The following MARK2 variants were observed in gnomAD, a reference collection of about 807,000 sequenced individuals.
MARK2 encodes microtubule affinity regulating kinase 2, also known as serine/threonine-protein kinase MARK2.
In MARK2, 16 loss-of-function variants were observed where a neutral mutation model predicts 89.8. That is an observed-to-expected ratio of 0.18 (90% CI 0.12 to 0.27). MARK2 has a LOEUF of 0.27. Ranked by LOEUF, MARK2 falls within the 10% of genes least tolerant of loss-of-function variation. MARK2 has a pLI of 1.00. For synonymous variants in MARK2, 382 were observed against 399.5 expected, an observed-to-expected ratio of 0.96 and a Z score of 0.52; for missense variants, 621 against 1,049.9, an observed-to-expected ratio of 0.59 and a Z score of 5.65.
intron 4 of MARK2, 36 bp from the exon 5 acceptor site, chr11:63,898,572 G>T: frequency 6.5e-7 from 1 of 1,543,336 alleles, no homozygotes; most frequent in Non-Finnish European, 9.0e-7. Context: ...GGCCCCTGTT[G>T]CTTCTTGACT....
In MARK2 at chr11:63,902,551, A is replaced by C. The variant is rs549661192; in HGVS notation, c.1235-50A>C. The C allele has an allele frequency of 5.8e-6, 9 of 1,548,186 alleles. No individual in the cohort carries two copies. The highest frequency in any genetic ancestry group is 3.5e-5 in the South Asian group (3 of 86,486). The stretch of plus-strand genomic sequence containing the variant: ...GGAAATGAGCATGCGTGGGGCTGGC[A>C]CTCAGTGGACCCCTTGGCCTTACCC... On this transcript the variant is annotated intron_variant, in intron 12 of 18. Transcript: ENST00000402010. The surrounding 1 kb of genome is among the most constrained non-coding windows in gnomAD (Gnocchi z 4.2).
At chr11:63,874,533 A>G (rs542596713) in intron 1 of MARK2, among the ~76,000 whole-genome samples, 4 of 152,348 alleles carry the variant, frequency 2.6e-5, no homozygotes, top group African/African-American at 9.6e-5. Context: ...TCACTTGATC[A>G]TAAGTGGTAT....
At chr11:63,888,834 T>C in intron 1 of MARK2, 1 of 1,297,912 alleles carries the variant, frequency 7.7e-7, no homozygotes, top group Non-Finnish European at 1.0e-6. Flanking sequence ...GGTGGCTGGC[T>C]GAGCCGGCAG....
chr11:63,901,422 G>GGT (rs147425490), intron 11 of MARK2, among the ~76,000 whole-genome samples: 6 of 139,692 alleles, frequency 4.3e-5, no homozygotes, highest in South Asian at 2.2e-4. Context: ...TACATTTCTG[G>GGT]GTGTGTGTGT....
chr11:63,883,337 C>G (rs1939212142), intron 1 of MARK2, among the ~76,000 whole-genome samples: 1 of 152,106 alleles, frequency 6.6e-6, no homozygotes, highest in Non-Finnish European at 1.5e-5. Flanking sequence ...GCCTGATTGC[C>G]CAGCCATGGC....
chr11:63,840,027 C>T (rs2015929667), intron 1 of MARK2, among the ~76,000 whole-genome samples: 1 of 152,204 alleles, frequency 6.6e-6, no homozygotes, highest in African/African-American at 2.4e-5. Context: ...TGGGTTATCA[C>T]CCTCAGGGTC....
At chr11:63,853,277 T>G (rs2016664895) in intron 1 of MARK2, among the ~76,000 whole-genome samples, 1 of 151,908 alleles carries the variant, frequency 6.6e-6, no homozygotes, top group Admixed American at 6.6e-5. Context: ...CGCATGCCTG[T>G]AATCCCAGCT....
chr11:63,908,717 A>C (rs1941550139), intron 18 of MARK2, among the ~76,000 whole-genome samples, 160 bp from the exon 19 acceptor site: 1 of 152,002 alleles, frequency 6.6e-6, no homozygotes, highest in Admixed American at 6.5e-5. Flanking sequence ...TGGGGGTTGG[A>C]GGACTGCCAC....
intron 1 of MARK2, among the ~76,000 whole-genome samples, chr11:63,859,984 A>G (rs930598990): frequency 1.3e-5 from 2 of 152,152 alleles, no homozygotes; most frequent in South Asian, 2.1e-4. Context: ...TTATGTAGGT[A>G]TACTTTATTT....
intron 1 of MARK2, among the ~76,000 whole-genome samples, chr11:63,876,281 C>A (rs1191476351): frequency 6.6e-6 from 1 of 152,126 alleles, no homozygotes; most frequent in Non-Finnish European, 1.5e-5. Context: ...CATCCATCTC[C>A]TTTTGGAGAT....
Position 63,906,127 on chromosome 11 carries a change from C to A in MARK2, c.1961+13C>A. 2 of 1,266,858 alleles carry A rather than the reference C, an allele frequency of 1.6e-6. No individual in the cohort carries two copies. Among genetic ancestry groups the A allele is most frequent in the South Asian group, 2.4e-5 (1 of 41,102 alleles). The allele number at this position is 1,266,858 out of a possible 1,614,324, so 78.5% of individuals were successfully genotyped here. ...GGTTTGCCAGAAGGTAGGCGTTGAGCCCGCTGTGTGTGTGTGTGTGTGTGT... is the reference window on the plus strand; with the variant it reads ...GGTTTGCCAGAAGGTAGGCGTTGAGACCGCTGTGTGTGTGTGTGTGTGTGT... On this transcript the variant is annotated intron_variant, in intron 17 of 18. Coordinates refer to ENST00000402010, the MANE Select transcript of MARK2 (RefSeq NM_001039469.3).
chr11:63,876,959 G>T (rs1259390436), intron 1 of MARK2, among the ~76,000 whole-genome samples: 5 of 152,052 alleles, frequency 3.3e-5, no homozygotes, highest in Admixed American at 3.3e-4. Context: ...TACCACAGAA[G>T]TTAGAAAGCT....
At chr11:63,858,608 C>T (rs761983586) in intron 1 of MARK2, among the ~76,000 whole-genome samples, 2 of 152,058 alleles carry the variant, frequency 1.3e-5, no homozygotes, top group Non-Finnish European at 2.9e-5. Context: ...CTGCCTCTGC[C>T]TCCTAAAGTG....
chr11:63,888,926 T>A (rs1351646559), intron 1 of MARK2: 12 of 1,351,162 alleles, frequency 8.9e-6, no homozygotes, highest in Non-Finnish European at 1.2e-5. Flanking sequence ...CTCTGCTGAA[T>A]GGAAGTCGCT....
Position 63,895,706 on chromosome 11 carries a change from G to A in MARK2, c.288+73G>A. The A allele has an allele frequency of 1.1e-5, 14 of 1,262,632 alleles. No homozygotes were observed. The South Asian group carries it at 1.5e-4, about 13-fold the overall frequency. The allele number at this position is 1,262,632 out of a possible 1,614,324, so 78.2% of individuals were successfully genotyped here. Reference sequence around the variant, plus strand: ...TTTTTTGAGTCAGAGCCTCACTCTTGTCGCCCAGGCTGGAGTGCAATGGTG... The same window carrying A: ...TTTTTTGAGTCAGAGCCTCACTCTTATCGCCCAGGCTGGAGTGCAATGGTG... On this transcript the variant is annotated intron_variant, in intron 3 of 18. Transcript: ENST00000402010.
At position 63,904,432 on chromosome 11, in the gene MARK2, G is replaced by A. The variant is rs751945743; in HGVS notation, c.1676+285G>A. On this transcript the variant is annotated intron_variant, in intron 15 of 18. Transcript: ENST00000402010. This position sits in a 1 kb window ranked among gnomAD's most constrained non-coding sequence, Gnocchi z 6.3. The stretch of plus-strand genomic sequence containing the variant: ...CTTCCAGGGTTTCCTTAGGGACCCC[G>A]GGGATAGTCGGCATCACAGGGACTC... 1.3e-5 allele frequency among the ~76,000 whole-genome samples: 2 copies of A among 152,092 alleles called. No homozygotes were observed. Among genetic ancestry groups the A allele is most frequent in the South Asian group, 2.1e-4 (1 of 4,820 alleles).
chr11:63,903,523 G>A lies in MARK2; in HGVS notation c.1514+365G>A, dbSNP rs916348074. 20 of 333,388 alleles carry A rather than the reference G, an allele frequency of 6.0e-5. 1 individual carries two copies. The highest frequency in any genetic ancestry group is 4.3e-4 in the African/African-American group (20 of 47,054). 20.7% of individuals were successfully genotyped at this position (333,388 alleles called of 1,614,324 possible). ...AACCAAGAGATGCCCACCTTGAGGG[G>A]TGTACACATAGAGGGCGACTCCAGC... On this transcript the variant is annotated intron_variant, in intron 14 of 18. Transcript: ENST00000402010. The surrounding 1 kb of genome is among the most constrained non-coding windows in gnomAD (Gnocchi z 5.1).
intron 1 of MARK2, among the ~76,000 whole-genome samples, chr11:63,847,595 C>G (rs937781659): frequency 6.6e-6 from 1 of 152,200 alleles, no homozygotes; most frequent in Non-Finnish European, 1.5e-5. Context: ...GGGCTGTGTT[C>G]GTTGAGGCGA....
intron 1 of MARK2, among the ~76,000 whole-genome samples, chr11:63,859,501 A>G (rs1362933226): frequency 6.6e-6 from 1 of 151,842 alleles, no homozygotes; most frequent in Non-Finnish European, 1.5e-5. Flanking sequence ...TTGTATTTTT[A>G]GTAGAGAAAG....
Sources: gnomAD v4.1 joint callset for allele counts (sites outside exome capture counted in the v4.1 genomes callset) on GRCh38, gnomAD v4.1.1 for gene constraint, Gnocchi (gnomAD v3.1) non-coding constraint, MANE v1.5 for transcripts, NCBI Gene and HGNC (gene_info 2026-07-23, HGNC 2026-07-21) for gene names.